The following SCYL2 variants were observed in gnomAD, a reference collection of about 807,000 sequenced individuals.
The protein encoded by SCYL2 is SCY1 like pseudokinase 2, also known as SCY1-like protein 2.
SCYL2 carries 36 observed loss-of-function variants against 100.4 expected under a neutral mutation model. The ratio of observed to expected loss-of-function variants is 0.36; its 90% CI spans 0.27 to 0.47. SCYL2 has a LOEUF of 0.47. Among genes scored for constraint, SCYL2 ranks in the 20% least tolerant of loss-of-function variants. The probability of loss-of-function intolerance (pLI) is 1.00; values close to 1 mark genes in which losing one functional copy is unlikely to be tolerated. For synonymous variants in SCYL2, 330 were observed against 359.2 expected, an observed-to-expected ratio of 0.92 and a Z score of 0.92; for missense variants, 902 against 1,083.9, an observed-to-expected ratio of 0.83 and a Z score of 2.36.
chr12:100,291,521 T>C lies in SCYL2; in HGVS notation c.196T>C (p.Phe66Leu). ...STKQEVAVFV[F>L]DKKLIDKYQK... Reference sequence around the variant, plus strand: ...TATTTAGGAAGTGGCAGTTTTTGTCTTTGATAAAAAACTGATTGACAAGTA... The same window carrying C: ...TATTTAGGAAGTGGCAGTTTTTGTCCTTGATAAAAAACTGATTGACAAGTA... Residue 66 changes from phenylalanine to leucine, a missense_variant, in exon 3 of 18, where the codon TTT becomes CTT. Coordinates refer to ENST00000360820, the MANE Select transcript of SCYL2 (RefSeq NM_017988.6). 1 of 1,559,920 alleles carries C rather than the reference T, an allele frequency of 6.4e-7. No individual in the cohort carries two copies. Among genetic ancestry groups the C allele is most frequent in the Non-Finnish European group, 8.6e-7 (1 of 1,157,648 alleles).
intron 13 of SCYL2, among the ~76,000 whole-genome samples, chr12:100,329,845 G>C (rs115881628): frequency 0.042 from 6,323 of 152,238 alleles, 478 homozygotes; most frequent in African/African-American, 0.14. Flanking sequence ...AGATTCAGTT[G>C]CTTTTGGGCT....
chr12:100,269,388 T>G (rs944035072), intron 1 of SCYL2, among the ~76,000 whole-genome samples: 1 of 152,096 alleles, frequency 6.6e-6, no homozygotes, highest in African/African-American at 2.4e-5. Flanking sequence ...CTTTCCTGAT[T>G]AGAATACATT....
chr12:100,270,021 C>T (rs1189854401), intron 1 of SCYL2, among the ~76,000 whole-genome samples: 2 of 150,168 alleles, frequency 1.3e-5, no homozygotes, highest in African/African-American at 2.5e-5. Context: ...GAGTGTCACT[C>T]TGTCACCCAG....
intron 2 of SCYL2, among the ~76,000 whole-genome samples, chr12:100,285,830 T>C (rs778834166): frequency 1.3e-5 from 2 of 152,192 alleles, no homozygotes; most frequent in Admixed American, 6.5e-5. Context: ...TAAATACTTA[T>C]TTGAGAGGTA....
At position 100,313,430 on chromosome 12, in the gene SCYL2, T is replaced by C; in HGVS notation, c.861T>C (p.Arg287=). 6.5e-7 allele frequency: 1 copy of C among 1,543,744 alleles called. No individual in the cohort carries two copies. Among genetic ancestry groups the C allele is most frequent in the Non-Finnish European group, 8.9e-7 (1 of 1,118,630 alleles). Residue 287 remains arginine, a synonymous_variant, in exon 7 of 18, where the codon CGT becomes CGC. Transcript: ENST00000360820. ...ATCACTCTTTTGAATAGTTGAGTCG[T>C]TTAGGATCTAGTTCACTTACAAATA... is the stretch of plus-strand genomic sequence containing the variant. ...SFSRQLDQLS[R]LGSSSLTNIP...
rs762741582 is a variant in SCYL2, at chr12:100,337,396, A to G, written c.2035A>G (p.Thr679Ala). 19 of 1,603,104 alleles carry G rather than the reference A, an allele frequency of 1.2e-5. No individual in the cohort carries two copies. Among genetic ancestry groups the G allele is most frequent in the South Asian group, 9.1e-5 (8 of 88,164 alleles). The part of the protein sequence containing the change: ...LQNKHKRASL[T>A]LEEKQKLAKE... ...TTTATTTTGTTTTAAGGCATCACTT[A>G]CACTTGAAGAAAAACAAAAATTAGC... The change falls in exon 17 of 18, where the codon ACA becomes GCA. Residue 679 changes from threonine (T) to alanine (A), a missense_variant. Coordinates refer to ENST00000360820, the MANE Select transcript of SCYL2 (RefSeq NM_017988.6).
intron 1 of SCYL2, among the ~76,000 whole-genome samples, chr12:100,279,384 C>T (rs867902321): frequency 5.9e-5 from 9 of 152,206 alleles, no homozygotes; most frequent in African/African-American, 1.7e-4. Flanking sequence ...CTCTGCAGCC[C>T]GGTTCCTAAT....
intron 3 of SCYL2, among the ~76,000 whole-genome samples, chr12:100,294,504 G>T (rs1260297567): frequency 8.4e-6 from 1 of 119,672 alleles, no homozygotes; most frequent in Non-Finnish European, 1.8e-5. Context: ...CTGGCCAGGC[G>T]GGGGGCTGAC....
intron 4 of SCYL2, among the ~76,000 whole-genome samples, chr12:100,304,467 C>T (rs1012556398): frequency 2.0e-5 from 3 of 152,084 alleles, no homozygotes; most frequent in African/African-American, 4.8e-5. Flanking sequence ...ATGCACCATC[C>T]CTCATGGGAC....
At chr12:100,281,902 G>A (rs914177611) in intron 1 of SCYL2, among the ~76,000 whole-genome samples, 4 of 151,982 alleles carry the variant, frequency 2.6e-5, no homozygotes, top group Admixed American at 1.3e-4. Flanking sequence ...CATCTTTTAA[G>A]TTGTATATTG....
intron 4 of SCYL2, among the ~76,000 whole-genome samples, chr12:100,305,815 A>G (rs986954867): frequency 6.6e-6 from 1 of 151,948 alleles, no homozygotes; most frequent in Admixed American, 6.6e-5. Flanking sequence ...AAAAAATGAT[A>G]AAGGGGATAT....
rs891638019 is a variant in SCYL2, at chr12:100,333,323, A to G, written c.1762-843A>G. Among the ~76,000 whole-genome samples, 14 of 152,202 alleles carry G rather than the reference A, an allele frequency of 9.2e-5. 1 individual carries two copies. Among genetic ancestry groups the G allele is most frequent in the Admixed American group, 7.2e-4 (11 of 15,280 alleles). On this transcript the variant is annotated intron_variant, in intron 13 of 17. Coordinates refer to ENST00000360820, the MANE Select transcript of SCYL2 (RefSeq NM_017988.6). The stretch of plus-strand genomic sequence containing the variant: ...GCTTAGAATGAATTCTAGCTCTGCC[A>G]TATGAGCTCTCTAGCATCTCTGAGT...
At chr12:100,281,945 A>T (rs1566344445) in intron 1 of SCYL2, among the ~76,000 whole-genome samples, 1 of 152,140 alleles carries the variant, frequency 6.6e-6, no homozygotes, top group Non-Finnish European at 1.5e-5. Context: ...AACACCTGTG[A>T]AAAGGGGTGG....
At chr12:100,336,481 T>C (rs534117449) in intron 16 of SCYL2, among the ~76,000 whole-genome samples, 80 of 152,272 alleles carry the variant, frequency 5.3e-4, no homozygotes, top group African/African-American at 1.9e-3. Context: ...GGCCATCAAT[T>C]TGAGTTTGTC....
At chr12:100,304,125 C>T (rs1455384901) in intron 4 of SCYL2, among the ~76,000 whole-genome samples, 1 of 152,102 alleles carries the variant, frequency 6.6e-6, no homozygotes. Flanking sequence ...CTCGAGTGTC[C>T]CAGGTTGATT....
chr12:100,338,950 A>G lies in SCYL2; in HGVS notation c.2568A>G (p.Leu856=). Residue 856 remains leucine, a synonymous_variant, in exon 18 of 18, where the codon TTA becomes TTG. Coordinates refer to ENST00000360820, the MANE Select transcript of SCYL2 (RefSeq NM_017988.6). ...PQKPKVSMNQ[L]SQQKPNQWLN... Reference sequence around the variant, plus strand: ...AACCCAAAGTTAGCATGAACCAGTTATCACAACAGAAACCAAATCAGTGGC... The same window carrying G: ...AACCCAAAGTTAGCATGAACCAGTTGTCACAACAGAAACCAAATCAGTGGC... The G allele has an allele frequency of 1.2e-6, 2 of 1,614,182 alleles. No homozygotes were observed.
At chr12:100,301,984 G>A (rs546024717) in intron 4 of SCYL2, among the ~76,000 whole-genome samples, 8 of 152,278 alleles carry the variant, frequency 5.3e-5, no homozygotes, top group African/African-American at 1.4e-4. Context: ...GATGAATCCC[G>A]CCAGGACTGG....
In SCYL2 at chr12:100,335,625, A is replaced by C. The variant is rs1347771534; in HGVS notation, c.1863A>C (p.Lys621Asn). The C allele has an allele frequency of 6.3e-6, 10 of 1,592,354 alleles. No homozygotes were observed. The highest frequency in any genetic ancestry group is 7.7e-6 in the Non-Finnish European group (9 of 1,164,586). ...EQLHIMQEQQ[K>N]SLDIGNQMNV... ...TTATCATAATTCAACTCTCCTACAG[A>C]TCTTTGGATATAGGAAATCAAATGA... is the stretch of plus-strand genomic sequence containing the variant. Residue 621 changes from lysine to asparagine, a missense_variant and splice_region_variant, in exon 15 of 18, where the codon AAA (lysine) becomes AAC (asparagine). By Grantham distance (94) the Lys-to-Asn change is moderately conservative. Coordinates refer to ENST00000360820, the MANE Select transcript of SCYL2 (RefSeq NM_017988.6).
At chr12:100,314,400 A>G in intron 7 of SCYL2, 89 bp from the exon 8 acceptor site, 1 of 939,866 alleles carries the variant, frequency 1.1e-6, no homozygotes, top group Non-Finnish European at 1.6e-6. Context: ...GTTTCTGAGT[A>G]TTTTTTTTAC....
Sources: gnomAD v4.1 joint callset for allele counts (sites outside exome capture counted in the v4.1 genomes callset) on GRCh38, gnomAD v4.1.1 for gene constraint, MANE v1.5 for transcripts, NCBI Gene and HGNC (gene_info 2026-07-23, HGNC 2026-07-21) for gene names.